The following GOLGB1 variants were observed in gnomAD, a reference collection of about 807,000 sequenced individuals.
The protein encoded by GOLGB1 is golgin B1.
GOLGB1 carries 174 observed loss-of-function variants against 336.9 expected under a neutral mutation model. The ratio of observed to expected loss-of-function variants is 0.52; its 90% confidence interval spans 0.46 to 0.59. The LOEUF (loss-of-function observed/expected upper bound fraction) is 0.59. Ranked by LOEUF, GOLGB1 falls within the 20% of genes least tolerant of loss-of-function variation. The pLI is 0.00. For missense variants in GOLGB1, 3,331 were observed against 3,645.3 expected (o/e 0.91, Z 2.22); for synonymous variants, 1,208 against 1,289.2 (o/e 0.94, Z 1.35).
chr3:121,748,896 C>T, intron 1 of GOLGB1: 1 of 984,154 alleles, frequency 1.0e-6, no homozygotes, highest in Non-Finnish European at 1.2e-6. Flanking sequence ...AAAGGACTCA[C>T]CCTCCCTTTC....
intron 20 of GOLGB1, among the ~76,000 whole-genome samples, chr3:121,666,137 T>C (rs1247602674): frequency 1.3e-5 from 2 of 152,224 alleles, no homozygotes; most frequent in East Asian, 1.9e-4. Context: ...AAGATGGTAC[T>C]GGCTGCCTTT....
Position 121,695,668 on chromosome 3 carries a change from C to CT in GOLGB1, c.4854dup (p.Glu1619ArgfsTer3). On this transcript the variant is annotated frameshift_variant, in exon 13 of 22. Coordinates refer to ENST00000614479, the MANE Select transcript of GOLGB1 (RefSeq NM_001366282.2). LOFTEE classifies it high-confidence loss of function. Reference sequence around the variant, plus strand: ...TAGGACTGCAGAAGAATTTCATACTCTTTTTGTAGCTCCTTGTGTTTCTCT... The same window carrying CT: ...TAGGACTGCAGAAGAATTTCATACTCTTTTTTGTAGCTCCTTGTGTTTCTCT... The CT allele has an allele frequency of 1.9e-6, 3 of 1,612,808 alleles. No homozygotes were observed. The highest frequency in any genetic ancestry group is 2.5e-6 in the Non-Finnish European group (3 of 1,179,978).
chr3:121,714,801 G>T lies in GOLGB1; in HGVS notation c.1404+60C>A, dbSNP rs142570934. On this transcript the variant is annotated intron_variant, in intron 10 of 21. Transcript: ENST00000614479. ...TGGAATAAATCCTCATTAGAGCACCGAAGTACAGATACAGCAAAGACAAAC... is the reference window on the plus strand; with the variant it reads ...TGGAATAAATCCTCATTAGAGCACCTAAGTACAGATACAGCAAAGACAAAC... 5.3e-4 allele frequency: 567 copies of T among 1,061,234 alleles called. 6 individuals carry two copies. In the East Asian group the frequency reaches 0.011, roughly 21 times the overall value. 65.7% of individuals were successfully genotyped at this position (1,061,234 alleles called of 1,614,324 possible). A position where few individuals can be genotyped will look rare whatever the true frequency, so the allele number is the denominator to read the frequency against.
At chr3:121,669,929 G>A (rs1038460941) in intron 17 of GOLGB1, among the ~76,000 whole-genome samples, 4 of 152,158 alleles carry the variant, frequency 2.6e-5, no homozygotes, top group Non-Finnish European at 2.9e-5. Flanking sequence ...ACTGTTGAGA[G>A]CATAGATTCT....
At chr3:121,735,704 AT>A (rs1946424298) in intron 1 of GOLGB1, among the ~76,000 whole-genome samples, 1 of 152,216 alleles carries the variant, frequency 6.6e-6, no homozygotes, top group African/African-American at 2.4e-5. Context: ...TTTAATATAT[AT>A]GTAAATAGAT....
intron 11 of GOLGB1, among the ~76,000 whole-genome samples, chr3:121,702,222 C>G (rs553848553): frequency 2.1e-4 from 32 of 152,252 alleles, no homozygotes; most frequent in African/African-American, 7.5e-4. Context: ...GATACGATGA[C>G]CATTCCAAAA....
At position 121,697,513 on chromosome 3, in the gene GOLGB1, G is replaced by C; in HGVS notation, c.3010C>G (p.Leu1004Val). The C allele has an allele frequency of 6.2e-7, 1 of 1,613,260 alleles. No homozygotes were observed. Among genetic ancestry groups the C allele is most frequent in the Non-Finnish European group, 8.5e-7 (1 of 1,179,874 alleles). The change falls in exon 13 of 22, where the codon CTT becomes GTT. Residue 1004 changes from leucine (L) to valine (V), a missense_variant. Coordinates refer to ENST00000614479, the MANE Select transcript of GOLGB1 (RefSeq NM_001366282.2). ...EQRKRKLQAA[L>V]INRKELLQRV... ...TGCAGAAGCTCCTTTCTGTTAATAA[G>C]AGCTGCCTGGAGCTTTCTCTTTCTC...
rs779414039 is a variant in GOLGB1 at position 121,696,759 on chromosome 3, C to T, written c.3764G>A (p.Ser1255Asn). The stretch of plus-strand genomic sequence containing the variant: ...AGAACACGATTCCTGCTGGTCTGTG[C>T]TTGGGAGTTTTCCGTCTATGGATTC... The part of the protein sequence containing the change: ...VRESIDGKLP[S>N]TDQQESCSST... Residue 1255 changes from serine to asparagine, a missense_variant, in exon 13 of 22, where the codon AGC (serine) becomes AAC (asparagine). Physicochemically the swap from Ser to Asn is conservative, Grantham distance 46 (BLOSUM62 1). Transcript: ENST00000614479. The T allele has an allele frequency of 1.2e-6, 2 of 1,614,088 alleles. No homozygotes were observed. Among genetic ancestry groups the T allele is most frequent in the South Asian group, 1.1e-5 (1 of 91,082 alleles).
intron 10 of GOLGB1, among the ~76,000 whole-genome samples, chr3:121,706,922 C>T (rs930144413): frequency 4.6e-5 from 7 of 151,562 alleles, no homozygotes; most frequent in Non-Finnish European, 1.0e-4. Flanking sequence ...GTTATTAGAA[C>T]CCATGACTGG....
chr3:121,692,134 T>C lies in GOLGB1; in HGVS notation c.7230A>G (p.Gln2410=). 1.2e-6 allele frequency: 2 copies of C among 1,613,412 alleles called. No individual in the cohort carries two copies. Among genetic ancestry groups the C allele is most frequent in the Non-Finnish European group, 8.5e-7 (1 of 1,179,760 alleles). ...CCAGCTCTTTAATTTCTTTATCATG[T>C]TGCTGACGCAGTTCAGCAATAGCTA... ...IQVAIAELRQ[Q]HDKEIKELEN... The change falls in exon 14 of 22, where the codon CAA becomes CAG. Residue 2410 remains glutamine (Q), a synonymous_variant. Coordinates refer to ENST00000614479, the MANE Select transcript of GOLGB1 (RefSeq NM_001366282.2).
In GOLGB1 at chr3:121,690,919, G is replaced by C. The variant is rs534072299; in HGVS notation, c.8445C>G (p.Leu2815=). The C allele has an allele frequency of 6.2e-7, 1 of 1,614,102 alleles. No individual in the cohort carries two copies. The highest frequency in any genetic ancestry group is 8.5e-7 in the Non-Finnish European group (1 of 1,179,918). Residue 2815 remains leucine, a synonymous_variant, in exon 14 of 22, where the codon CTC becomes CTG. Transcript: ENST00000614479. ...GAAGCAATTGCTCATCTTTGGATAG[G>C]AGCTGTTGGTTAAGTTTCTCAAGGT... The part of the protein sequence containing the change: ...LSHLEKLNQQ[L]LSKDEQLLHL...
intron 10 of GOLGB1, among the ~76,000 whole-genome samples, chr3:121,703,164 A>G (rs1943545678): frequency 1.3e-5 from 2 of 152,104 alleles, no homozygotes; most frequent in South Asian, 4.1e-4. Context: ...CTTTAGTTTT[A>G]TGTCTTTGTA....
intron 4 of GOLGB1, among the ~76,000 whole-genome samples, chr3:121,728,912 C>T (rs1945867760): frequency 6.6e-6 from 1 of 152,176 alleles, no homozygotes; most frequent in Admixed American, 6.5e-5. Context: ...CTAAATGCCT[C>T]ACTTCAGTAC....
Position 121,706,733 on chromosome 3 carries a change from C to CAAAAAAAA in GOLGB1, c.1405-4146_1405-4139dup, listed in dbSNP as rs1200925309. On this transcript the variant is annotated intron_variant, in intron 10 of 21. Coordinates refer to ENST00000614479, the MANE Select transcript of GOLGB1 (RefSeq NM_001366282.2). Reference sequence around the variant, plus strand: ...TGGATGACACACTGAGACTCTGTCTCAAAAAAAAAAAAAAAAAAAAAAAAA... The same window carrying CAAAAAAAA: ...TGGATGACACACTGAGACTCTGTCTCAAAAAAAAAAAAAAAAAAAAAAAAAAAAAAAAA... Among the ~76,000 whole-genome samples, 13 of 16,154 alleles carry CAAAAAAAA rather than the reference C, an allele frequency of 8.0e-4. 2 individuals are homozygous for CAAAAAAAA. The highest frequency in any genetic ancestry group is 2.8e-3 in the African/African-American group (11 of 3,892). The allele number at this position is 16,154 out of a possible 152,430, so 10.6% of individuals were successfully genotyped here.
At chr3:121,689,416 G>GC (rs1200326417) in intron 14 of GOLGB1, among the ~76,000 whole-genome samples, 1 of 151,784 alleles carries the variant, frequency 6.6e-6, no homozygotes, top group East Asian at 1.9e-4. Context: ...TAAGGGCGGT[G>GC]CAAGATGTGC....
rs776068022 is a variant in GOLGB1, at chr3:121,681,776, C to T, written c.8784G>A (p.Glu2928=). The change falls in exon 15 of 22, where the codon GAG becomes GAA. Residue 2928 remains glutamate (E), a synonymous_variant. Coordinates refer to ENST00000614479, the MANE Select transcript of GOLGB1 (RefSeq NM_001366282.2). ...GAAATGCTTTTGTCTTATCTTGATA[C>T]TCCTGAAGTTGAGCCTTCAGTGGAT... The part of the protein sequence containing the change: ...ELHPLKAQLQ[E]YQDKTKAFQI... 6.2e-7 allele frequency: 1 copy of T among 1,608,320 alleles called. No individual in the cohort carries two copies. The highest frequency in any genetic ancestry group is 1.1e-5 in the South Asian group (1 of 90,976).
chr3:121,671,671 T>G (rs1380540040), intron 17 of GOLGB1, among the ~76,000 whole-genome samples: 1 of 152,226 alleles, frequency 6.6e-6, no homozygotes, highest in Non-Finnish European at 1.5e-5. Context: ...CTTCTAGCTA[T>G]TTTGAAATAT....
intron 1 of GOLGB1, chr3:121,748,743 C>T (rs755726649): frequency 2.5e-5 from 22 of 886,462 alleles, no homozygotes; most frequent in Non-Finnish European, 3.0e-5. Flanking sequence ...CCTTTAAATG[C>T]TCAGACAGCT....
rs1315490902 is a variant in GOLGB1 at position 121,670,406 on chromosome 3, A to AG, written c.9178-1052_9178-1051insC. Among the ~76,000 whole-genome samples the AG allele has an allele frequency of 2.6e-5, 4 of 152,310 alleles. No individual in the cohort carries two copies. In the East Asian group the frequency reaches 7.7e-4, roughly 29 times the overall value. ...GAGGAGAGACGACAGTTTTCTAGAGACAACTGTGAGGAAGGGCATTTGATG... is the reference window on the plus strand; with the variant it reads ...GAGGAGAGACGACAGTTTTCTAGAGAGCAACTGTGAGGAAGGGCATTTGATG... On this transcript the variant is annotated intron_variant, in intron 17 of 21. Coordinates refer to ENST00000614479, the MANE Select transcript of GOLGB1 (RefSeq NM_001366282.2).
Sources: gnomAD v4.1 joint callset for allele counts (sites outside exome capture counted in the v4.1 genomes callset) on GRCh38, gnomAD v4.1.1 for gene constraint, MANE v1.5 for transcripts, NCBI Gene and HGNC (gene_info 2026-07-23, HGNC 2026-07-21) for gene names.